CELF2: variants seen among roughly 807,000 people sequenced by gnomAD.
CELF2 encodes CUG triplet repeat RNA-binding protein 2.
In CELF2, 8 loss-of-function variants were observed where a neutral mutation model predicts 62.6. The observed-to-expected ratio is 0.13, with a 90% confidence interval of 0.07 to 0.23. The LOEUF is 0.23. Ranked by LOEUF, CELF2 falls within the 10% of genes least tolerant of loss-of-function variation. The probability of loss-of-function intolerance (pLI) is 1.00; values close to 1 mark genes in which losing one functional copy is unlikely to be tolerated. For synonymous variants in CELF2, 258 were observed against 250.0 expected (o/e 1.03, Z -0.30); for missense variants, 333 against 671.0 (o/e 0.50, Z 5.56).
chr10:11,127,066 G>A (rs972462301), intron 1 of CELF2, among the ~76,000 whole-genome samples: 6 of 151,926 alleles, frequency 3.9e-5, no homozygotes, highest in African/African-American at 1.5e-4. Context: ...CTCATGACAC[G>A]CCCCACTATG....
chr10:10,943,932 C>T (rs1217312390), intron 2 of CELF2, among the ~76,000 whole-genome samples: 1 of 152,134 alleles, frequency 6.6e-6, no homozygotes, highest in Admixed American at 6.6e-5. Flanking sequence ...GACTCTGAAA[C>T]TTGACCATGT....
intron 1 of CELF2, among the ~76,000 whole-genome samples, chr10:11,153,050 A>G (rs1008350209): frequency 1.6e-4 from 24 of 152,340 alleles, no homozygotes; most frequent in African/African-American, 5.8e-4. Context: ...AAAAAATTTT[A>G]CGACCAAGTG....
Position 11,330,052 on chromosome 10 carries a change from T to C in CELF2, c.*999T>C. 2 of 152,692 alleles carry C rather than the reference T, an allele frequency of 1.3e-5. 1 individual carries two copies. 9.5% of individuals were successfully genotyped at this position (152,692 alleles called of 1,614,324 possible). On this transcript the variant is annotated 3_prime_UTR_variant, in exon 13 of 13. Transcript: ENST00000633077. This position sits in a 1 kb window ranked among gnomAD's most constrained non-coding sequence, Gnocchi z 4.5. Reference sequence around the variant, plus strand: ...GTCTCTAGAGGAATTGTTCTAGGAATGGGCTTTTTTTCACCGTTGAACCCT... The same window carrying C: ...GTCTCTAGAGGAATTGTTCTAGGAACGGGCTTTTTTTCACCGTTGAACCCT...
the CELF2 span, among the ~76,000 whole-genome samples, chr10:10,598,568 T>C: frequency 1.3e-5 from 2 of 152,164 alleles, no homozygotes; most frequent in Non-Finnish European, 2.9e-5. Context: ...AGAGACACAA[T>C]ACATATGCAT....
intron 5 of CELF2, among the ~76,000 whole-genome samples, chr10:11,262,940 C>T (rs1341821085): frequency 1.2e-3 from 63 of 52,752 alleles, no homozygotes; most frequent in South Asian, 8.1e-3. Flanking sequence ...AGTGGCTTTA[C>T]TTTTTTTTTT....
At chr10:11,239,692 C>A (rs2073051467) in intron 3 of CELF2, among the ~76,000 whole-genome samples, 1 of 152,120 alleles carries the variant, frequency 6.6e-6, no homozygotes, top group South Asian at 2.1e-4. Context: ...TTTGTTGTTA[C>A]CAAACTCAAA....
At chr10:10,894,297 C>T (rs938765174) in intron 1 of CELF2, among the ~76,000 whole-genome samples, 7 of 152,152 alleles carry the variant, frequency 4.6e-5, no homozygotes, top group African/African-American at 1.7e-4. Flanking sequence ...GGTCTGAGAG[C>T]TGGTACCATG....
Position 11,314,714 on chromosome 10 carries a change from A to G in CELF2, c.1096+456A>G. The G allele has an allele frequency of 4.2e-6, 1 of 238,908 alleles. No individual in the cohort carries two copies. The highest frequency in any genetic ancestry group is 5.1e-5 in the South Asian group (1 of 19,712). 14.8% of individuals were successfully genotyped at this position (238,908 alleles called of 1,614,324 possible). A position where few individuals can be genotyped will look rare whatever the true frequency, so the allele number is the denominator to read the frequency against. ...TGGGCTTGGGAGTCTCCATTTGAGAATGGAAAGTTCTGGGTCAGATGATTC... is the reference window on the plus strand; with the variant it reads ...TGGGCTTGGGAGTCTCCATTTGAGAGTGGAAAGTTCTGGGTCAGATGATTC... On this transcript the variant is annotated intron_variant, in intron 10 of 12. Transcript: ENST00000633077. This position sits in a 1 kb window ranked among gnomAD's most constrained non-coding sequence, Gnocchi z 5.3.
At chr10:10,577,370 A>C in the CELF2 span, among the ~76,000 whole-genome samples, 4 of 138,606 alleles carry the variant, frequency 2.9e-5, no homozygotes, top group Non-Finnish European at 6.1e-5. Context: ...TCTTTTTATT[A>C]TTATTATTAT....
At chr10:10,673,797 A>G in the CELF2 span, among the ~76,000 whole-genome samples, 287 of 152,258 alleles carry the variant, frequency 1.9e-3, no homozygotes, top group Admixed American at 3.3e-3. Flanking sequence ...GTTTTATAGA[A>G]GTCTATTTTT....
chr10:10,473,561 G>A, the CELF2 span, among the ~76,000 whole-genome samples: 1 of 152,082 alleles, frequency 6.6e-6, no homozygotes, highest in East Asian at 1.9e-4. Context: ...AATAGTCTGG[G>A]ATTTAAGAAT....
intron 1 of CELF2, among the ~76,000 whole-genome samples, chr10:10,853,688 C>G (rs2059533571): frequency 6.6e-6 from 1 of 151,948 alleles, no homozygotes; most frequent in African/African-American, 2.4e-5. Context: ...TGCCTTCCTC[C>G]TGGCCACATG....
the CELF2 span, among the ~76,000 whole-genome samples, chr10:10,722,655 C>A: frequency 2.0e-5 from 3 of 152,180 alleles, no homozygotes; most frequent in Non-Finnish European, 4.4e-5. Flanking sequence ...GCTTAAAAAG[C>A]AGCAACATGT....
chr10:10,590,943 C>G, the CELF2 span, among the ~76,000 whole-genome samples: 2 of 152,298 alleles, frequency 1.3e-5, no homozygotes, highest in East Asian at 3.9e-4. Flanking sequence ...ATAAAATTGT[C>G]TATCCCTACT....
chr10:11,029,495 G>A lies in CELF2; in HGVS notation c.74+11332G>A, dbSNP rs140020576. Among the ~76,000 whole-genome samples, 6 of 152,292 alleles carry A rather than the reference G, an allele frequency of 3.9e-5. No homozygotes were observed. In the East Asian group the frequency reaches 7.7e-4, roughly 20 times the overall value. ...CCACGACGGGCCAGGGGAATATTTG[G>A]CACCTACTGTAGCTGAGAGTGTGAT... On this transcript the variant is annotated intron_variant, in intron 1 of 12. Coordinates refer to ENST00000633077, the MANE Select transcript of CELF2 (RefSeq NM_001326342.2).
chr10:11,196,816 G>C (rs1362928567), intron 2 of CELF2, among the ~76,000 whole-genome samples: 1 of 151,462 alleles, frequency 6.6e-6, no homozygotes, highest in Non-Finnish European at 1.5e-5. Flanking sequence ...AATTAGCCAG[G>C]CGTGGTGGCG....
rs953256211 is a variant in CELF2, at chr10:11,237,119, G to A, written c.355-12034G>A. Among the ~76,000 whole-genome samples, 3 of 152,280 alleles carry A rather than the reference G, an allele frequency of 2.0e-5. No individual in the cohort carries two copies. Among genetic ancestry groups the A allele is most frequent in the Admixed American group, 6.5e-5 (1 of 15,306 alleles). ...CCAGAACTGGTGAGGAGGCTGTTTC[G>A]GGGATCCAGGTGAGCAGGAATGAAA... On this transcript the variant is annotated intron_variant, in intron 3 of 12. Coordinates refer to ENST00000633077, the MANE Select transcript of CELF2 (RefSeq NM_001326342.2). The surrounding 1 kb of genome is among the most constrained non-coding windows in gnomAD (Gnocchi z 4.0).
chr10:10,794,239 T>C (rs1319903523), upstream of CELF2, among the ~76,000 whole-genome samples: 3 of 152,080 alleles, frequency 2.0e-5, no homozygotes, highest in Non-Finnish European at 4.4e-5. Flanking sequence ...GTTAACAAGA[T>C]CGGGAAATCT....
intron 1 of CELF2, among the ~76,000 whole-genome samples, chr10:11,050,211 A>G (rs555733423): frequency 2.0e-5 from 3 of 152,360 alleles, no homozygotes; most frequent in African/African-American, 7.2e-5. Context: ...AGAAGAGAAC[A>G]GTATTTGTGT....
Sources: allele counts gnomAD v4.1 joint callset (sites outside exome capture counted in the v4.1 genomes callset), GRCh38; gene constraint gnomAD v4.1.1; non-coding constraint Gnocchi (gnomAD v3.1); transcripts MANE v1.5; gene names NCBI Gene and HGNC (gene_info 2026-07-23, HGNC 2026-07-21).